The following PRKN variants were observed in gnomAD, a reference collection of about 807,000 sequenced individuals.
The protein encoded by PRKN is parkin RBR E3 ubiquitin protein ligase, also known as E3 ubiquitin-protein ligase parkin.
In PRKN, 56 loss-of-function variants were observed where a neutral mutation model predicts 59.5. The observed-to-expected ratio is 0.94, with a 90% CI of 0.76 to 1.18. The LOEUF (loss-of-function observed/expected upper bound fraction) is 1.18, where lower values mean the gene tolerates loss of function less well. Ranked by LOEUF, PRKN falls within the 50% of genes most tolerant of loss-of-function variation. The probability of loss-of-function intolerance (pLI) is 0.00; values close to 1 mark genes in which losing one functional copy is unlikely to be tolerated. For synonymous variants in PRKN, 250 were observed against 222.1 expected (o/e 1.13, Z -1.12); for missense variants, 657 against 596.4 (o/e 1.10, Z -1.06).
At chr6:162,400,235 A>C (rs940218001) in intron 2 of PRKN, among the ~76,000 whole-genome samples, 44 of 151,940 alleles carry the variant, frequency 2.9e-4, no homozygotes, top group African/African-American at 1.0e-3. Context: ...CAACAACAAA[A>C]AAAAAAAACA....
intron 7 of PRKN, chr6:161,783,746 T>C (rs945225574): frequency 6.5e-6 from 3 of 459,340 alleles, no homozygotes; most frequent in Non-Finnish European, 1.3e-5. Context: ...AATAATAAAC[T>C]TCACTAGATT....
At chr6:161,614,622 T>C (rs1352193810) in intron 7 of PRKN, among the ~76,000 whole-genome samples, 2 of 152,226 alleles carry the variant, frequency 1.3e-5, no homozygotes, top group Non-Finnish European at 2.9e-5. Context: ...ATCAGTTATT[T>C]AATACAGACA....
chr6:162,272,082 G>C (rs1419360278), intron 2 of PRKN, among the ~76,000 whole-genome samples: 1 of 152,116 alleles, frequency 6.6e-6, no homozygotes. Flanking sequence ...CTGCTCATGA[G>C]GATCCTACAC....
At chr6:162,297,174 CTTTTTT>C (rs10681721) in intron 2 of PRKN, among the ~76,000 whole-genome samples, 44 of 139,330 alleles carry the variant, frequency 3.2e-4, no homozygotes, top group East Asian at 2.9e-3. Context: ...TTTTTCTTTT[CTTTTTT>C]TTTTTTTTTG....
At chr6:162,484,913 C>A (rs567296081) in intron 1 of PRKN, among the ~76,000 whole-genome samples, 1 of 152,254 alleles carries the variant, frequency 6.6e-6, no homozygotes, top group East Asian at 1.9e-4. Flanking sequence ...TTGTTTATAT[C>A]ATTTTCCCTA....
intron 4 of PRKN, among the ~76,000 whole-genome samples, chr6:162,194,564 C>T (rs933145298): frequency 7.2e-5 from 11 of 152,146 alleles, no homozygotes; most frequent in Admixed American, 7.2e-4. Flanking sequence ...TTCGATCAAC[C>T]GTCTTTAAGG....
chr6:162,030,721 A>C (rs1783603138), intron 5 of PRKN, among the ~76,000 whole-genome samples: 1 of 152,202 alleles, frequency 6.6e-6, no homozygotes, highest in Non-Finnish European at 1.5e-5. Context: ...CCCTGGGCTC[A>C]CACCCTGAAG....
intron 1 of PRKN, among the ~76,000 whole-genome samples, chr6:162,479,928 G>A (rs1370836761): frequency 3.3e-5 from 5 of 152,098 alleles, no homozygotes; most frequent in Non-Finnish European, 7.4e-5. Flanking sequence ...CGCTGGGCGT[G>A]GTGGCGCATG....
In PRKN at chr6:162,663,678, T is replaced by C. The variant is rs115656172; in HGVS notation, c.7+63984A>G. ...AAGAGGAGTAAAGCAACAAGTTAGATTGGGGATTAAGTGGGCTTCAGTTTC... is the reference window on the plus strand; with the variant it reads ...AAGAGGAGTAAAGCAACAAGTTAGACTGGGGATTAAGTGGGCTTCAGTTTC... On this transcript the variant is annotated intron_variant, in intron 1 of 11. Coordinates refer to ENST00000366898, the MANE Select transcript of PRKN (RefSeq NM_004562.3). 6.8e-3 allele frequency among the ~76,000 whole-genome samples: 1,037 copies of C among 152,146 alleles called. 11 individuals carry two copies. Among genetic ancestry groups the C allele is most frequent in the African/African-American group, 0.024 (996 of 41,512 alleles).
intron 4 of PRKN, among the ~76,000 whole-genome samples, chr6:162,170,603 G>C (rs1440985106): frequency 6.6e-6 from 1 of 152,178 alleles, no homozygotes; most frequent in African/African-American, 2.4e-5. Flanking sequence ...TGAAATATTA[G>C]ATGAAGGAAT....
chr6:162,260,712 A>G (rs9355994), intron 3 of PRKN, among the ~76,000 whole-genome samples: 75,362 of 152,100 alleles, frequency 0.5, 22,018 homozygotes, highest in East Asian at 0.86. Context: ...ATTAAAGAAC[A>G]TGAATATGTA....
chr6:162,205,014 C>A (rs1160937770), intron 3 of PRKN, among the ~76,000 whole-genome samples: 1 of 151,982 alleles, frequency 6.6e-6, no homozygotes, highest in Non-Finnish European at 1.5e-5. Flanking sequence ...AGGCGTGCAC[C>A]ACCACACCCA....
Position 161,548,760 on chromosome 6 carries a change from A to T in PRKN, c.1083+94T>A. ...TTCAAAGATGTCTAAGTCCAAAGGG[A>T]AAATGAAAATAAAATAAAAATATAA... On this transcript the variant is annotated intron_variant, in intron 9 of 11. Coordinates refer to ENST00000366898, the MANE Select transcript of PRKN (RefSeq NM_004562.3). The surrounding 1 kb of genome is among the most constrained non-coding windows in gnomAD (Gnocchi z 4.2). 8 of 1,205,962 alleles carry T rather than the reference A, an allele frequency of 6.6e-6. No homozygotes were observed. Among genetic ancestry groups the T allele is most frequent in the Non-Finnish European group, 8.4e-6 (7 of 834,352 alleles). 74.7% of individuals were successfully genotyped at this position (1,205,962 alleles called of 1,614,324 possible). A position where few individuals can be genotyped will look rare whatever the true frequency, so the allele number is the denominator to read the frequency against.
chr6:162,632,749 T>C (rs2128222879), intron 1 of PRKN, among the ~76,000 whole-genome samples: 1 of 152,154 alleles, frequency 6.6e-6, no homozygotes, highest in South Asian at 2.1e-4. Flanking sequence ...AAAATAAAAC[T>C]TGAAATGATA....
intron 2 of PRKN, among the ~76,000 whole-genome samples, chr6:162,349,199 G>T (rs1289973147): frequency 1.3e-5 from 2 of 151,594 alleles, no homozygotes; most frequent in East Asian, 2.0e-4. Flanking sequence ...CTGGCACGGT[G>T]GCTCACGCCT....
chr6:162,125,264 A>ATAAC (rs1408230966), intron 4 of PRKN, among the ~76,000 whole-genome samples: 3 of 152,302 alleles, frequency 2.0e-5, no homozygotes, highest in African/African-American at 7.2e-5. Flanking sequence ...AGCTCCACGA[A>ATAAC]TAACTGCATG....
At chr6:162,362,050 A>T (rs1203153536) in intron 2 of PRKN, among the ~76,000 whole-genome samples, 1 of 152,236 alleles carries the variant, frequency 6.6e-6, no homozygotes, top group Non-Finnish European at 1.5e-5. Context: ...CGTGTGTGTT[A>T]AATGTTTAAA....
At chr6:162,402,319 C>A (rs191177493) in intron 2 of PRKN, among the ~76,000 whole-genome samples, 49 of 151,950 alleles carry the variant, frequency 3.2e-4, no homozygotes, top group Admixed American at 3.3e-4. Flanking sequence ...CGTTTGCCAA[C>A]CATGCTCAGG....
intron 2 of PRKN, among the ~76,000 whole-genome samples, chr6:162,269,861 C>T (rs1369918269): frequency 3.9e-5 from 6 of 152,072 alleles, no homozygotes; most frequent in African/African-American, 9.7e-5. Context: ...ATAAAAAAAT[C>T]GAAAACAGTA....
Sources: gnomAD v4.1 joint callset for allele counts (sites outside exome capture counted in the v4.1 genomes callset) on GRCh38, gnomAD v4.1.1 for gene constraint, Gnocchi (gnomAD v3.1) non-coding constraint, MANE v1.5 for transcripts, NCBI Gene and HGNC (gene_info 2026-07-23, HGNC 2026-07-21) for gene names.